The following ANO10 variants were observed in gnomAD, a reference collection of about 807,000 sequenced individuals.
ANO10 encodes the protein anoctamin 10, also known as anoctamin-10.
Under a neutral mutation model 74.7 loss-of-function variants are expected in ANO10, and 77 were observed. The ratio of observed to expected loss-of-function variants is 1.03; its 90% CI spans 0.86 to 1.25. ANO10 has a LOEUF of 1.25. Among genes scored for constraint, ANO10 ranks in the 50% most tolerant of loss-of-function variants. The pLI, the probability that ANO10 is intolerant of heterozygous loss-of-function variation, is 0.00. For missense variants in ANO10, 721 were observed against 778.1 expected, an observed-to-expected ratio of 0.93 and a Z score of 0.87; for synonymous variants, 279 against 284.9, an observed-to-expected ratio of 0.98 and a Z score of 0.21.
At chr3:43,661,232 G>T (rs957423312) in intron 1 of ANO10, among the ~76,000 whole-genome samples, 11 of 152,242 alleles carry the variant, frequency 7.2e-5, no homozygotes, top group Admixed American at 6.5e-4. Context: ...CAAGCCAGAA[G>T]AGAGTGGGGG....
chr3:43,466,111 CCTGAAATCCCAGCACCCTTGGGAGG>C (rs1378579147), intron 11 of ANO10, among the ~76,000 whole-genome samples: 2 of 152,018 alleles, frequency 1.3e-5, no homozygotes, highest in African/African-American at 2.4e-5. Flanking sequence ...GTAGCTCATG[CCTGAAATCCCAGCACCCTTGGGAGG>C]CTGAGGAGGG....
chr3:43,594,926 G>T (rs1157114140), intron 4 of ANO10, among the ~76,000 whole-genome samples: 1 of 151,958 alleles, frequency 6.6e-6, no homozygotes, highest in Admixed American at 6.5e-5. Context: ...AATGATAAAG[G>T]GGATATCACC....
intron 1 of ANO10, among the ~76,000 whole-genome samples, chr3:43,678,697 C>T (rs1205115403): frequency 1.3e-5 from 2 of 152,218 alleles, no homozygotes; most frequent in East Asian, 1.9e-4. Context: ...TGCCCCTGGC[C>T]GAATAAACCC....
intron 10 of ANO10, among the ~76,000 whole-genome samples, chr3:43,550,139 T>C (rs2079392897): frequency 6.6e-6 from 1 of 152,190 alleles, no homozygotes; most frequent in Admixed American, 6.5e-5. Flanking sequence ...TTAAAGTTAC[T>C]CTACTCACAT....
At chr3:43,386,647 A>ATG (rs2092125622) in intron 12 of ANO10, among the ~76,000 whole-genome samples, 1 of 87,934 alleles carries the variant, frequency 1.1e-5, no homozygotes, top group Admixed American at 1.3e-4. Context: ...GTAGGTGTGT[A>ATG]CGTGTGTGTG....
chr3:43,530,874 A>ATG lies in ANO10; in HGVS notation c.1797+18844_1797+18845dup, dbSNP rs140115664. Among the ~76,000 whole-genome samples, 457 of 150,916 alleles carry ATG rather than the reference A, an allele frequency of 3.0e-3. 3 individuals are homozygous for ATG. The highest frequency in any genetic ancestry group is 9.9e-3 in the African/African-American group (408 of 41,264). On this transcript the variant is annotated intron_variant, in intron 11 of 12. Transcript: ENST00000292246. ...ATCCTTTGCAGATAAGCTGGGACTA[A>ATG]TGTGTGTGTGTGTGTGTATGTGTGT...
chr3:43,537,755 C>T (rs1308027868), intron 11 of ANO10, among the ~76,000 whole-genome samples: 2 of 151,998 alleles, frequency 1.3e-5, no homozygotes, highest in Non-Finnish European at 2.9e-5. Flanking sequence ...TAGAAATAGT[C>T]GATTTCAGTA....
chr3:43,414,523 G>A (rs2092709118), intron 12 of ANO10, among the ~76,000 whole-genome samples: 1 of 152,146 alleles, frequency 6.6e-6, no homozygotes, highest in African/African-American at 2.4e-5. Flanking sequence ...CTACTGCTTG[G>A]TGACCTGATA....
chr3:43,571,749 T>C (rs1242616410), intron 7 of ANO10, among the ~76,000 whole-genome samples: 2 of 149,974 alleles, frequency 1.3e-5, no homozygotes, highest in Non-Finnish European at 3.0e-5. Context: ...GACGAGTTAG[T>C]GGGTGCAGCG....
intron 11 of ANO10, among the ~76,000 whole-genome samples, chr3:43,540,425 T>G (rs1227523927): frequency 6.6e-6 from 1 of 152,194 alleles, no homozygotes; most frequent in African/African-American, 2.4e-5. Flanking sequence ...TGGCTGTCCA[T>G]ATTCTGATGA....
chr3:43,640,723 A>T (rs2083663015), intron 1 of ANO10, among the ~76,000 whole-genome samples: 1 of 152,242 alleles, frequency 6.6e-6, no homozygotes, highest in Non-Finnish European at 1.5e-5. Flanking sequence ...ATTCATAATA[A>T]TGACCTTGAA....
rs541586389 is a variant in ANO10 at position 43,593,857 on chromosome 3, A to G, written c.472+4675T>C. Among the ~76,000 whole-genome samples, 3 of 152,358 alleles carry G rather than the reference A, an allele frequency of 2.0e-5. No individual in the cohort carries two copies. In the South Asian group the frequency reaches 6.2e-4, roughly 32 times the overall value. ...CGAGACCCATCAGTATGCTGTATTC[A>G]GGAGACCCATCTCACATGCAGAGAC... is the stretch of plus-strand genomic sequence containing the variant. On this transcript the variant is annotated intron_variant, in intron 4 of 12. Transcript: ENST00000292246.
At chr3:43,396,114 C>T (rs553673964) in intron 12 of ANO10, among the ~76,000 whole-genome samples, 134 of 149,578 alleles carry the variant, frequency 9.0e-4, no homozygotes, top group African/African-American at 3.1e-3. Flanking sequence ...CCAGAACATT[C>T]GGCATAATGT....
At chr3:43,515,499 G>A (rs1248986103) in intron 11 of ANO10, among the ~76,000 whole-genome samples, 3 of 151,682 alleles carry the variant, frequency 2.0e-5, no homozygotes, top group Non-Finnish European at 4.4e-5. Context: ...TCTTGAGTTG[G>A]GGCTTGGCCT....
At chr3:43,616,628 C>T (rs146958798) in intron 1 of ANO10, among the ~76,000 whole-genome samples, 2 of 152,304 alleles carry the variant, frequency 1.3e-5, no homozygotes, top group East Asian at 3.9e-4. Flanking sequence ...ATAAGATGCT[C>T]TTGGAGCTTT....
intron 1 of ANO10, among the ~76,000 whole-genome samples, chr3:43,663,181 A>G (rs1389135289): frequency 6.6e-6 from 1 of 152,198 alleles, no homozygotes; most frequent in Non-Finnish European, 1.5e-5. Flanking sequence ...GCACATCAAA[A>G]AGCTTATCCA....
chr3:43,378,840 T>G (rs1307473759), intron 12 of ANO10, among the ~76,000 whole-genome samples: 1 of 152,228 alleles, frequency 6.6e-6, no homozygotes, highest in East Asian at 1.9e-4. Context: ...AACAACACAG[T>G]AAGTGTTAGG....
At chr3:43,519,696 G>A (rs142640150) in intron 11 of ANO10, among the ~76,000 whole-genome samples, 11 of 152,154 alleles carry the variant, frequency 7.2e-5, no homozygotes, top group South Asian at 4.2e-4. Context: ...ACTCATATGA[G>A]GGCAGACCAG....
At chr3:43,636,158 A>G (rs1199190183) in intron 1 of ANO10, among the ~76,000 whole-genome samples, 2 of 152,164 alleles carry the variant, frequency 1.3e-5, no homozygotes, top group Non-Finnish European at 2.9e-5. Flanking sequence ...AGGGGAGTGA[A>G]GAAGAGAGAT....
Sources: gnomAD v4.1 joint callset for allele counts (sites outside exome capture counted in the v4.1 genomes callset) on GRCh38, gnomAD v4.1.1 for gene constraint, MANE v1.5 for transcripts, NCBI Gene and HGNC (gene_info 2026-07-23, HGNC 2026-07-21) for gene names.